Variants in COL26A1 observed in about 807,000 individuals in gnomAD.
COL26A1 encodes the protein collagen alpha-1(XXVI) chain.
COL26A1 carries 41 observed loss-of-function variants against 59.3 expected under a neutral mutation model. That is an observed-to-expected ratio of 0.69 (90% CI 0.54 to 0.90). The LOEUF is 0.90. Ranked by LOEUF, COL26A1 falls within the 40% of genes least tolerant of loss-of-function variation. The pLI, the probability that COL26A1 is intolerant of heterozygous loss-of-function variation, is 0.00. For missense variants in COL26A1, 612 were observed against 602.3 expected (o/e 1.02, Z -0.17); for synonymous variants, 266 against 256.0 (o/e 1.04, Z -0.37).
chr7:101,473,630 ACACACACAC>A (rs1793959050), intron 3 of COL26A1, among the ~76,000 whole-genome samples: 1 of 150,160 alleles, frequency 6.7e-6, no homozygotes, highest in East Asian at 2.0e-4. Flanking sequence ...ACACACACAC[ACACACACAC>A]ACACACACAC....
chr7:101,511,243 C>T (rs1794917888), intron 3 of COL26A1, among the ~76,000 whole-genome samples: 1 of 152,218 alleles, frequency 6.6e-6, no homozygotes, highest in Non-Finnish European at 1.5e-5. Flanking sequence ...GAGTTCAAGT[C>T]GACATCAGGT....
At chr7:101,557,124 G>A (rs969535175) in intron 12 of COL26A1, among the ~76,000 whole-genome samples, 2 of 152,012 alleles carry the variant, frequency 1.3e-5, no homozygotes, top group East Asian at 1.9e-4. Flanking sequence ...TGGGTGAATG[G>A]ATGAATGGGT....
chr7:101,520,002 G>C (rs1164522190), intron 3 of COL26A1, among the ~76,000 whole-genome samples: 1 of 152,062 alleles, frequency 6.6e-6, no homozygotes, highest in Non-Finnish European at 1.5e-5. Context: ...CCCTCTCAGT[G>C]GCCCTCAGTT....
intron 2 of COL26A1, among the ~76,000 whole-genome samples, chr7:101,422,041 G>A (rs1015350150): frequency 6.6e-6 from 1 of 152,162 alleles, no homozygotes; most frequent in Non-Finnish European, 1.5e-5. Flanking sequence ...GCCAGTTGCG[G>A]TGGCTCACGC....
chr7:101,441,078 G>T (rs1161589640), intron 2 of COL26A1, among the ~76,000 whole-genome samples: 3 of 152,134 alleles, frequency 2.0e-5, no homozygotes, highest in Non-Finnish European at 4.4e-5. Context: ...GTCCCTGTGT[G>T]TAGATGAGAG....
chr7:101,484,311 T>C (rs946986957), intron 3 of COL26A1, among the ~76,000 whole-genome samples: 1 of 152,140 alleles, frequency 6.6e-6, no homozygotes, highest in African/African-American at 2.4e-5. Flanking sequence ...GATGCCATGC[T>C]GAAGAAATGA....
At chr7:101,419,074 TCCTCCCCTCCCCTCCCCTCCCCTCC>T (rs146603250) in intron 1 of COL26A1, among the ~76,000 whole-genome samples, 2 of 28,360 alleles carry the variant, frequency 7.1e-5, no homozygotes, top group African/African-American at 2.8e-4. Flanking sequence ...CTCTCATTCC[TCCTCCCCTCCCCTCCCCTCCCCTCC>T]CCTCCCCTCC....
intron 3 of COL26A1, among the ~76,000 whole-genome samples, chr7:101,453,710 A>G (rs1487189009): frequency 6.6e-6 from 1 of 152,168 alleles, no homozygotes; most frequent in Non-Finnish European, 1.5e-5. Flanking sequence ...GCCTGGGCTG[A>G]GTTTGGGATC....
intron 3 of COL26A1, among the ~76,000 whole-genome samples, chr7:101,473,993 T>C (rs1011301038): frequency 3.3e-5 from 5 of 152,186 alleles, no homozygotes; most frequent in Non-Finnish European, 7.3e-5. Flanking sequence ...GTAGAGAGGC[T>C]GCTTGAATGT....
rs544745649 is a variant in COL26A1 at position 101,555,126 on chromosome 7, C to T, written c.1081-661C>T. On this transcript the variant is annotated intron_variant, in intron 11 of 12. Coordinates refer to ENST00000313669, the MANE Select transcript of COL26A1 (RefSeq NM_001278563.3). ...TCATCATCACTTTTCAGAGTGGCCT[C>T]GACACCTGCCTTCTCAATAAGTCAG... is the stretch of plus-strand genomic sequence containing the variant. 4.6e-5 allele frequency among the ~76,000 whole-genome samples: 7 copies of T among 152,274 alleles called. No individual in the cohort carries two copies. In the South Asian group the frequency reaches 1.2e-3, roughly 27 times the overall value.
intron 1 of COL26A1, among the ~76,000 whole-genome samples, chr7:101,381,019 C>A (rs1228653761): frequency 6.6e-6 from 1 of 152,174 alleles, no homozygotes; most frequent in Non-Finnish European, 1.5e-5. Context: ...AAATGACCAA[C>A]CTCTTTGCAA....
At chr7:101,500,785 C>T (rs1366229055) in intron 3 of COL26A1, among the ~76,000 whole-genome samples, 1 of 152,092 alleles carries the variant, frequency 6.6e-6, no homozygotes, top group African/African-American at 2.4e-5. Context: ...CGCGCCATTG[C>T]ACCCCAGCCT....
chr7:101,460,386 C>T (rs1188730400), intron 3 of COL26A1, among the ~76,000 whole-genome samples: 1 of 152,078 alleles, frequency 6.6e-6, no homozygotes, highest in African/African-American at 2.4e-5. Flanking sequence ...CTCAGAATCC[C>T]ACTTCACCAT....
rs35819045 is a variant in COL26A1, at chr7:101,499,896, A to AAAAAG, written c.386-33186_386-33185insAAAAG. 1.8e-3 allele frequency among the ~76,000 whole-genome samples: 254 copies of AAAAAG among 141,176 alleles called. 8 individuals carry two copies. The highest frequency in any genetic ancestry group is 5.6e-3 in the African/African-American group (203 of 36,492). The allele number at this position is 141,176 out of a possible 152,430, so 92.6% of individuals were successfully genotyped here. On this transcript the variant is annotated intron_variant, in intron 3 of 12. Transcript: ENST00000313669. ...CCCTGCCTTAAAAAAAAAAAAAAAA[A>AAAAAG]CACCTTTGTTATGGTTTCCTGTGCT... is the stretch of plus-strand genomic sequence containing the variant.
At chr7:101,446,850 T>TAAA (rs543443372) in intron 2 of COL26A1, among the ~76,000 whole-genome samples, 1 of 118,994 alleles carries the variant, frequency 8.4e-6, no homozygotes. Context: ...CTGTCTCAAC[T>TAAA]AAAAAAAAAA....
rs34881584 is a variant in COL26A1, at chr7:101,525,171, C to CTTTT, written c.386-7886_386-7883dup. On this transcript the variant is annotated intron_variant, in intron 3 of 12. Coordinates refer to ENST00000313669, the MANE Select transcript of COL26A1 (RefSeq NM_001278563.3). Reference sequence around the variant, plus strand: ...TCAGTATCCATAGTTTGACTTCATTCTTTTTTTTTTTTTTTTTTTTTTTTT... The same window carrying CTTTT: ...TCAGTATCCATAGTTTGACTTCATTCTTTTTTTTTTTTTTTTTTTTTTTTTTTTT... 1.5e-3 allele frequency among the ~76,000 whole-genome samples: 111 copies of CTTTT among 73,906 alleles called. 1 individual carries two copies. The highest frequency in any genetic ancestry group is 1.8e-3 in the Admixed American group (10 of 5,552). 48.5% of individuals were successfully genotyped at this position (73,906 alleles called of 152,430 possible).
chr7:101,372,680 T>C (rs1210816195), intron 1 of COL26A1, among the ~76,000 whole-genome samples: 3 of 152,044 alleles, frequency 2.0e-5, no homozygotes, highest in Non-Finnish European at 2.9e-5. Context: ...GCCTGACATA[T>C]AGTTAGTGGG....
chr7:101,445,704 C>T (rs1328132919), intron 2 of COL26A1, among the ~76,000 whole-genome samples: 1 of 125,184 alleles, frequency 8.0e-6, no homozygotes, highest in East Asian at 2.5e-4. Context: ...TGCACTCCAG[C>T]CTGGGCGACA....
At chr7:101,425,376 T>G (rs1406584581) in intron 2 of COL26A1, among the ~76,000 whole-genome samples, 2 of 152,112 alleles carry the variant, frequency 1.3e-5, no homozygotes, top group Non-Finnish European at 2.9e-5. Flanking sequence ...CTGGGAGCCT[T>G]AGGAGGTCCG....
Sources: gnomAD v4.1 joint callset for allele counts (sites outside exome capture counted in the v4.1 genomes callset) on GRCh38, gnomAD v4.1.1 for gene constraint, MANE v1.5 for transcripts, NCBI Gene and HGNC (gene_info 2026-07-23, HGNC 2026-07-21) for gene names.